Variants in TRPC4AP observed in about 807,000 individuals in gnomAD.
TRPC4AP encodes the protein short transient receptor potential channel 4-associated protein.
A neutral mutation model predicts 99.0 loss-of-function variants in TRPC4AP; 45 were observed. The ratio of observed to expected loss-of-function variants is 0.45; its 90% CI spans 0.36 to 0.58. TRPC4AP has a LOEUF of 0.58. TRPC4AP is among the 20% of genes least tolerant of loss of function. The pLI is 0.00. For synonymous variants in TRPC4AP, 408 were observed against 385.8 expected (o/e 1.06, Z -0.67); for missense variants, 879 against 985.3 (o/e 0.89, Z 1.44).
chr20:35,003,645 G>A (rs2082447076), intron 17 of TRPC4AP, 29 bp from the exon 18 acceptor site: 1 of 1,600,798 alleles, frequency 6.2e-7, no homozygotes, highest in Non-Finnish European at 8.5e-7. Context: ...ACAGGGTCAG[G>A]GGCTGGTGGG....
chr20:35,038,887 A>C (rs1310170570), intron 7 of TRPC4AP, among the ~76,000 whole-genome samples: 1 of 152,220 alleles, frequency 6.6e-6, no homozygotes, highest in African/African-American at 2.4e-5. Flanking sequence ...AGCCTGGCCA[A>C]TATGGCAAAA....
intron 3 of TRPC4AP, among the ~76,000 whole-genome samples, chr20:35,068,568 C>A (rs2084205634): frequency 6.6e-6 from 1 of 152,094 alleles, no homozygotes; most frequent in African/African-American, 2.4e-5. Context: ...ATCACCCAGG[C>A]TAGAGTGCAG....
At chr20:35,040,640 G>A (rs1223263841) in intron 7 of TRPC4AP, among the ~76,000 whole-genome samples, 1 of 152,072 alleles carries the variant, frequency 6.6e-6, no homozygotes, top group Non-Finnish European at 1.5e-5. Flanking sequence ...AGTTTCACTC[G>A]TTGCCCAGGC....
intron 6 of TRPC4AP, among the ~76,000 whole-genome samples, chr20:35,046,023 T>G (rs923644902): frequency 3.3e-5 from 5 of 152,206 alleles, no homozygotes; most frequent in Non-Finnish European, 7.3e-5. Flanking sequence ...TATTAAACAA[T>G]GTTGCAATGA....
intron 8 of TRPC4AP, among the ~76,000 whole-genome samples, chr20:35,026,317 C>G (rs1356360057): frequency 6.6e-6 from 1 of 151,898 alleles, no homozygotes; most frequent in Non-Finnish European, 1.5e-5. Flanking sequence ...TGGGCTCAAG[C>G]TACCCTCCCA....
intron 5 of TRPC4AP, among the ~76,000 whole-genome samples, chr20:35,054,387 A>C (rs548269399): frequency 1.6e-4 from 24 of 152,334 alleles, no homozygotes; most frequent in Admixed American, 3.3e-4. Flanking sequence ...TTCTCACAAT[A>C]AATCTATGAT....
intron 8 of TRPC4AP, among the ~76,000 whole-genome samples, chr20:35,022,013 G>A (rs2082901633): frequency 6.6e-6 from 1 of 152,148 alleles, no homozygotes; most frequent in African/African-American, 2.4e-5. Context: ...TGTCAGACTT[G>A]CTGGCTTTAT....
chr20:35,070,253 T>C (rs1189216748), intron 2 of TRPC4AP, among the ~76,000 whole-genome samples: 1 of 152,140 alleles, frequency 6.6e-6, no homozygotes, highest in Non-Finnish European at 1.5e-5. Flanking sequence ...TCGGGGTGAC[T>C]AGTTCTGTAG....
At chr20:35,011,374 AATC>A (rs2082631623) in intron 11 of TRPC4AP, among the ~76,000 whole-genome samples, 1 of 152,192 alleles carries the variant, frequency 6.6e-6, no homozygotes, top group South Asian at 2.1e-4. Flanking sequence ...AGTTGGCCAT[AATC>A]ACTGGCAACA....
chr20:35,009,439 C>T (rs546235240), intron 12 of TRPC4AP, among the ~76,000 whole-genome samples: 2 of 151,992 alleles, frequency 1.3e-5, no homozygotes, highest in East Asian at 1.9e-4. Flanking sequence ...GCCAGGAGTT[C>T]GAGACCAGCC....
intron 16 of TRPC4AP, 112 bp from the exon 17 acceptor site, chr20:35,004,682 A>T: frequency 1.2e-6 from 1 of 817,202 alleles, no homozygotes. Flanking sequence ...GGAGCTCATC[A>T]TCAAAACAGC....
chr20:35,067,703 A>C (rs2084179173), intron 3 of TRPC4AP, among the ~76,000 whole-genome samples: 1 of 152,262 alleles, frequency 6.6e-6, no homozygotes, highest in Admixed American at 6.5e-5. Flanking sequence ...TACATGCTAC[A>C]ACACAGATGA....
At chr20:35,068,900 CTA>C (rs542121683) in intron 3 of TRPC4AP, among the ~76,000 whole-genome samples, 16 of 150,036 alleles carry the variant, frequency 1.1e-4, no homozygotes, top group South Asian at 2.1e-4. Flanking sequence ...GTATATCACT[CTA>C]TGTGCGGAGA....
In TRPC4AP at chr20:35,005,864, G is replaced by A. The variant is rs186394380; in HGVS notation, c.1828-61C>T. 3.6e-4 allele frequency: 541 copies of A among 1,492,344 alleles called. 2 individuals are homozygous for A. In the East Asian group the frequency reaches 5.0e-3, roughly 14 times the overall value. 92.4% of individuals were successfully genotyped at this position (1,492,344 alleles called of 1,614,324 possible). ...TGCTGGCCAGGTATGGCCATGGCCC[G>A]GGGGGATAGTCACTACAAGGGGCAT... On this transcript the variant is annotated intron_variant, in intron 15 of 18. Transcript: ENST00000252015.
intron 7 of TRPC4AP, among the ~76,000 whole-genome samples, chr20:35,044,190 A>G (rs1348749425): frequency 6.6e-6 from 1 of 152,042 alleles, no homozygotes; most frequent in Non-Finnish European, 1.5e-5. Flanking sequence ...CAGGAAGTCA[A>G]GACCAGCCTG....
chr20:35,087,642 T>G (rs1335281816), intron 1 of TRPC4AP, among the ~76,000 whole-genome samples: 1 of 152,188 alleles, frequency 6.6e-6, no homozygotes, highest in African/African-American at 2.4e-5. Flanking sequence ...CCAGAATTGA[T>G]TCTATCAACT....
In TRPC4AP at chr20:35,092,675, T is replaced by C; in HGVS notation, c.107A>G (p.Asn36Ser). The stretch of plus-strand genomic sequence containing the variant: ...GCCCTGCCGCAGCTGCAGCAGAATG[T>C]TACCAGGCCGCGGCCGGCCGCCCCA... ...GGWGGRPRPG[N>S]ILLQLRQGQL... Residue 36 changes from asparagine to serine, a missense_variant, in exon 1 of 19, where the codon AAC (asparagine) becomes AGC (serine). Asn to Ser is a conservative substitution (Grantham distance 46). Transcript: ENST00000252015. The C allele has an allele frequency of 6.5e-7, 1 of 1,527,396 alleles. No individual in the cohort carries two copies. Among genetic ancestry groups the C allele is most frequent in the East Asian group, 2.6e-5 (1 of 38,866 alleles). 94.6% of individuals were successfully genotyped at this position (1,527,396 alleles called of 1,614,324 possible).
intron 15 of TRPC4AP, 63 bp downstream of exon 15, chr20:35,006,372 C>A: frequency 6.3e-7 from 1 of 1,584,956 alleles, no homozygotes; most frequent in Non-Finnish European, 8.6e-7. Context: ...CCTGGCAGAC[C>A]AGGACTCCAG....
At chr20:35,029,967 C>T (rs1357941467) in intron 8 of TRPC4AP, among the ~76,000 whole-genome samples, 7 of 105,702 alleles carry the variant, frequency 6.6e-5, no homozygotes, top group East Asian at 7.1e-4. Context: ...TGCTGGCTGG[C>T]GCGGTGGCTC....
Sources: allele counts gnomAD v4.1 joint callset (sites outside exome capture counted in the v4.1 genomes callset), GRCh38; gene constraint gnomAD v4.1.1; transcripts MANE v1.5; gene names NCBI Gene and HGNC (gene_info 2026-07-23, HGNC 2026-07-21).